SLCO3A1: variants seen among roughly 807,000 people sequenced by gnomAD.
The protein encoded by SLCO3A1 is PGE1 transporter.
A neutral mutation model predicts 63.1 loss-of-function variants in SLCO3A1; 27 were observed. The observed-to-expected ratio is 0.43, with a 90% confidence interval of 0.32 to 0.59. The LOEUF is 0.59. SLCO3A1 is among the 20% of genes least tolerant of loss of function. The pLI, the probability that SLCO3A1 is intolerant of heterozygous loss-of-function variation, is 0.09. For synonymous variants in SLCO3A1, 473 were observed against 409.9 expected (o/e 1.15, Z -1.86); for missense variants, 773 against 945.8 (o/e 0.82, Z 2.40).
intron 2 of SLCO3A1, among the ~76,000 whole-genome samples, chr15:92,093,517 A>G (rs544424113): frequency 3.1e-4 from 47 of 152,226 alleles, no homozygotes; most frequent in Non-Finnish European, 6.0e-4. Flanking sequence ...GGAGGGGACA[A>G]ACATGCAAAC....
rs182435261 is a variant in SLCO3A1, at chr15:91,921,068, G to C, written c.646+4610G>C. On this transcript the variant is annotated intron_variant, in intron 2 of 9. Coordinates refer to ENST00000318445, the MANE Select transcript of SLCO3A1 (RefSeq NM_013272.4). ...CTAAGCAAACACCACAGACTGGGAGGCTTAAATGACAGAAGGATATTTTCT... is the reference window on the plus strand; with the variant it reads ...CTAAGCAAACACCACAGACTGGGAGCCTTAAATGACAGAAGGATATTTTCT... Among the ~76,000 whole-genome samples, 13 of 152,308 alleles carry C rather than the reference G, an allele frequency of 8.5e-5. 1 individual carries two copies. The highest frequency in any genetic ancestry group is 2.6e-4 in the Admixed American group (4 of 15,294).
At chr15:91,946,636 G>A (rs1899816273) in intron 2 of SLCO3A1, among the ~76,000 whole-genome samples, 1 of 152,196 alleles carries the variant, frequency 6.6e-6, no homozygotes, top group Non-Finnish European at 1.5e-5. Context: ...TCGTAGTATG[G>A]GTTGAGTGTG....
At chr15:92,170,605 T>A (rs1019989920), downstream of SLCO3A1, among the ~76,000 whole-genome samples, 9 of 152,214 alleles carry the variant, frequency 5.9e-5, no homozygotes, top group Non-Finnish European at 8.8e-5. Flanking sequence ...TAGCTTCTTA[T>A]GAAGCCTCTG....
intron 4 of SLCO3A1, among the ~76,000 whole-genome samples, chr15:92,119,083 A>C (rs2151559562): frequency 6.6e-6 from 1 of 151,062 alleles, no homozygotes; most frequent in South Asian, 2.1e-4. Context: ...AAATCATGGC[A>C]CAAATATTGA....
intron 2 of SLCO3A1, among the ~76,000 whole-genome samples, chr15:91,937,569 A>G (rs1382308853): frequency 2.6e-5 from 4 of 152,102 alleles, no homozygotes; most frequent in African/African-American, 9.7e-5. Flanking sequence ...AATACAAAAA[A>G]TTAGCTGGGT....
intron 2 of SLCO3A1, among the ~76,000 whole-genome samples, chr15:92,051,063 C>G (rs1176525471): frequency 6.6e-6 from 1 of 152,210 alleles, no homozygotes; most frequent in Admixed American, 6.5e-5. Flanking sequence ...GTCACATACA[C>G]CTGTTGTGTT....
At chr15:91,989,966 T>A (rs1489299106) in intron 2 of SLCO3A1, among the ~76,000 whole-genome samples, 1 of 152,234 alleles carries the variant, frequency 6.6e-6, no homozygotes, top group Non-Finnish European at 1.5e-5. Context: ...AGCTGTAGAA[T>A]CCTAATCATC....
At chr15:92,004,880 G>T (rs1305710352) in intron 2 of SLCO3A1, among the ~76,000 whole-genome samples, 1 of 152,156 alleles carries the variant, frequency 6.6e-6, no homozygotes, top group African/African-American at 2.4e-5. Flanking sequence ...GTTCTGTCTG[G>T]CAGAGAGCAG....
At chr15:92,039,487 A>G (rs926092631) in intron 2 of SLCO3A1, among the ~76,000 whole-genome samples, 1 of 152,224 alleles carries the variant, frequency 6.6e-6, no homozygotes, top group African/African-American at 2.4e-5. Context: ...ATCACTGATC[A>G]TTAGAGAAAC....
At chr15:92,067,506 C>CAAATGCACTAGACTTCTTACACATTCACA (rs2047165867) in intron 2 of SLCO3A1, among the ~76,000 whole-genome samples, 1 of 152,228 alleles carries the variant, frequency 6.6e-6, no homozygotes, top group Admixed American at 6.5e-5. Context: ...CCTCCTAACA[C>CAAATGCACTAGACTTCTTACACATTCACA]AAATGCACTA....
At chr15:92,073,144 C>T (rs1286133355) in intron 2 of SLCO3A1, among the ~76,000 whole-genome samples, 1 of 152,106 alleles carries the variant, frequency 6.6e-6, no homozygotes, top group Non-Finnish European at 1.5e-5. Flanking sequence ...AGTCAAAGGC[C>T]TACGCTGGGA....
chr15:91,911,785 T>A (rs111454709), intron 1 of SLCO3A1, among the ~76,000 whole-genome samples: 29 of 151,950 alleles, frequency 1.9e-4, no homozygotes, highest in Non-Finnish European at 1.0e-4. Context: ...TGCCACCACG[T>A]CCAGCTAATT....
exon 11 of SLCO3A1, chr15:92,171,838 A>G (rs1307211425): frequency 7.7e-6 from 12 of 1,551,582 alleles, no homozygotes; most frequent in Non-Finnish European, 1.0e-5. Context: ...ATTCACCTTC[A>G]GAAGACTCCT....
intron 2 of SLCO3A1, among the ~76,000 whole-genome samples, chr15:91,925,292 A>G (rs963177822): frequency 9.9e-5 from 15 of 152,218 alleles, no homozygotes; most frequent in African/African-American, 3.6e-4. Context: ...AGCAGATGGC[A>G]TGAACGGTTT....
intron 7 of SLCO3A1, among the ~76,000 whole-genome samples, chr15:92,130,950 A>G (rs2047987974): frequency 6.7e-6 from 1 of 149,630 alleles, no homozygotes; most frequent in African/African-American, 2.5e-5. Context: ...TCCTTTTCAC[A>G]GTGATCCCCT....
At chr15:91,963,447 C>A (rs566481352) in intron 2 of SLCO3A1, among the ~76,000 whole-genome samples, 6 of 151,090 alleles carry the variant, frequency 4.0e-5, no homozygotes, top group African/African-American at 1.5e-4. Flanking sequence ...CTGATTAACT[C>A]CTGAATGTTG....
chr15:92,109,927 G>T (rs1362305811), intron 4 of SLCO3A1, among the ~76,000 whole-genome samples: 1 of 152,060 alleles, frequency 6.6e-6, no homozygotes, highest in Non-Finnish European at 1.5e-5. Context: ...CCCGTGGCTG[G>T]GCTGGACCTA....
chr15:91,974,209 G>A (rs2151431251), intron 2 of SLCO3A1, among the ~76,000 whole-genome samples: 1 of 151,898 alleles, frequency 6.6e-6, no homozygotes, highest in Non-Finnish European at 1.5e-5. Context: ...GTTCCAGAAA[G>A]CCAGGTCCCT....
At chr15:91,895,880 CCACA>C (rs1459997736) in intron 1 of SLCO3A1, among the ~76,000 whole-genome samples, 1 of 152,194 alleles carries the variant, frequency 6.6e-6, no homozygotes, top group African/African-American at 2.4e-5. Flanking sequence ...TCTTCAGAGC[CCACA>C]CAGATTTTTC....
Sources: gnomAD v4.1 joint callset for allele counts (sites outside exome capture counted in the v4.1 genomes callset) on GRCh38, gnomAD v4.1.1 for gene constraint, MANE v1.5 for transcripts, NCBI Gene and HGNC (gene_info 2026-07-23, HGNC 2026-07-21) for gene names.